The following DPH6 variants were observed in gnomAD, a reference collection of about 807,000 sequenced individuals.
The protein encoded by DPH6 is diphthamine biosynthesis 6, also known as diphthine--ammonia ligase.
DPH6 carries 33 observed loss-of-function variants against 38.2 expected under a neutral mutation model. The ratio of observed to expected loss-of-function variants is 0.86; its 90% confidence interval spans 0.65 to 1.15. The LOEUF (loss-of-function observed/expected upper bound fraction) is 1.15. Among genes scored for constraint, DPH6 ranks in the 50% most tolerant of loss-of-function variants. The probability of loss-of-function intolerance (pLI) is 0.00; values close to 1 mark genes in which losing one functional copy is unlikely to be tolerated. For missense variants in DPH6, 325 were observed against 320.0 expected (o/e 1.02, Z -0.12); for synonymous variants, 108 against 103.0 (o/e 1.05, Z -0.30).
intron 3 of DPH6, among the ~76,000 whole-genome samples, chr15:35,513,041 C>G (rs2054796370): frequency 1.3e-5 from 2 of 151,744 alleles, no homozygotes; most frequent in African/African-American, 4.8e-5. Flanking sequence ...AATTATCTTA[C>G]TGAAGAGATT....
At position 35,365,803 on chromosome 15, in the gene DPH6, T is replaced by G. The variant is rs957780885; in HGVS notation, n.207+7718A>C. 1.4e-5 allele frequency: 14 copies of G among 985,162 alleles called. No homozygotes were observed. The African/African-American group carries it at 1.7e-4, about 12-fold the overall frequency. 61.0% of individuals were successfully genotyped at this position (985,162 alleles called of 1,614,324 possible). On this transcript the variant is annotated intron_variant and non_coding_transcript_variant, in intron 3 of 3. Transcript: ENST00000558973. The stretch of plus-strand genomic sequence containing the variant: ...CTTTAAATGTGGGTGAAACTGATCC[T>G]TGATTTATTAATCTGCTCCAGTGAC...
At chr15:35,408,444 T>C (rs894622552) in intron 6 of DPH6, among the ~76,000 whole-genome samples, 2 of 151,916 alleles carry the variant, frequency 1.3e-5, no homozygotes, top group Non-Finnish European at 2.9e-5. Flanking sequence ...AAGGCTACCA[T>C]CGAGTAAGTA....
Position 35,478,999 on chromosome 15 carries a change from T to C in DPH6, c.313-24179A>G, listed in dbSNP as rs972926561. ...ATCTGAAAAGAACAGAAAATTATCT[T>C]TGAAAGACATAATGGGCAGTAGCTA... On this transcript the variant is annotated intron_variant, in intron 3 of 8. Transcript: ENST00000256538. Among the ~76,000 whole-genome samples, 56 of 152,094 alleles carry C rather than the reference T, an allele frequency of 3.7e-4. 2 individuals carry two copies. The highest frequency in any genetic ancestry group is 8.8e-5 in the Non-Finnish European group (6 of 67,968).
chr15:35,488,956 G>T (rs2054440621), intron 3 of DPH6, among the ~76,000 whole-genome samples: 1 of 151,362 alleles, frequency 6.6e-6, no homozygotes, highest in East Asian at 1.9e-4. Context: ...TTCAGTCAAT[G>T]AATGTAGTAA....
At chr15:35,321,488 G>C (rs552656618) in intron 3 of DPH6, among the ~76,000 whole-genome samples, 1 of 152,240 alleles carries the variant, frequency 6.6e-6, no homozygotes, top group African/African-American at 2.4e-5. Context: ...TTACCTTCTG[G>C]TAAGAGGGGA....
chr15:35,252,083 T>C (rs1406918226), intron 3 of DPH6, among the ~76,000 whole-genome samples: 2 of 152,218 alleles, frequency 1.3e-5, no homozygotes, highest in Non-Finnish European at 2.9e-5. Flanking sequence ...CTCACGCCAT[T>C]GCACTCCAGC....
chr15:35,277,830 GGT>G (rs1320470312), intron 3 of DPH6, among the ~76,000 whole-genome samples: 1 of 152,126 alleles, frequency 6.6e-6, no homozygotes, highest in Non-Finnish European at 1.5e-5. Flanking sequence ...GATGACCTAG[GGT>G]ATCTGGCAGA....
chr15:35,328,356 T>C (rs1381268672), downstream of DPH6, among the ~76,000 whole-genome samples: 1 of 152,110 alleles, frequency 6.6e-6, no homozygotes, highest in African/African-American at 2.4e-5. Context: ...TCTCTTTCCC[T>C]TTTTGTCTCT....
At chr15:35,154,978 C>T in the DPH6 span, among the ~76,000 whole-genome samples, 1 of 152,140 alleles carries the variant, frequency 6.6e-6, no homozygotes, top group Non-Finnish European at 1.5e-5. Context: ...GGAAAATGTT[C>T]TTTTTCCCTC....
At position 35,542,467 on chromosome 15, in the gene DPH6, C is replaced by A; in HGVS notation, c.64G>T (p.Ala22Ser). ...DSCYNMMQCIAAGHQIVALAN... is the reference protein window; with the variant it reads ...DSCYNMMQCISAGHQIVALAN... ...AAAGCAACGATCTGATGCCCAGCAG[C>A]AATGCACTGCATCATATTATAGCAG... The change falls in exon 2 of 9, where the codon GCT becomes TCT. Residue 22 changes from alanine (A) to serine (S), a missense_variant. Coordinates refer to ENST00000256538, the MANE Select transcript of DPH6 (RefSeq NM_080650.4). 1 of 1,582,320 alleles carries A rather than the reference C, an allele frequency of 6.3e-7. No individual in the cohort carries two copies. The highest frequency in any genetic ancestry group is 8.7e-7 in the Non-Finnish European group (1 of 1,155,074).
chr15:35,537,437 TAGA>T (rs1416438807), intron 3 of DPH6, among the ~76,000 whole-genome samples: 1 of 152,128 alleles, frequency 6.6e-6, no homozygotes, highest in Non-Finnish European at 1.5e-5. Flanking sequence ...AATTCATACT[TAGA>T]AGAATAACTG....
chr15:35,167,853 G>A, the DPH6 span, among the ~76,000 whole-genome samples: 1 of 152,010 alleles, frequency 6.6e-6, no homozygotes, highest in Non-Finnish European at 1.5e-5. Context: ...GTGGATAAGG[G>A]AAAGTTATGA....
At chr15:35,293,036 G>T (rs1213338624) in intron 3 of DPH6, among the ~76,000 whole-genome samples, 2 of 151,900 alleles carry the variant, frequency 1.3e-5, no homozygotes, top group African/African-American at 4.8e-5. Context: ...ATGAACATAA[G>T]GTTCAAAGAT....
At chr15:35,162,854 T>C in the DPH6 span, among the ~76,000 whole-genome samples, 1 of 151,860 alleles carries the variant, frequency 6.6e-6, no homozygotes, top group Non-Finnish European at 1.5e-5. Flanking sequence ...TTATAAATTT[T>C]AAGGTCTAAA....
At chr15:35,215,238 T>A (rs1346334691), downstream of DPH6, among the ~76,000 whole-genome samples, 1 of 152,202 alleles carries the variant, frequency 6.6e-6, no homozygotes, top group Admixed American at 6.5e-5. Context: ...CCCTAACAAA[T>A]ATTTATATAA....
chr15:35,304,880 G>A (rs905296825), intron 3 of DPH6, among the ~76,000 whole-genome samples: 1 of 151,412 alleles, frequency 6.6e-6, no homozygotes. Context: ...ACAAACGAAC[G>A]TGATATACTT....
intron 3 of DPH6, among the ~76,000 whole-genome samples, chr15:35,464,041 AT>A (rs770406520): frequency 6.6e-6 from 1 of 152,216 alleles, no homozygotes; most frequent in Non-Finnish European, 1.5e-5. Context: ...CACACATGTA[AT>A]CTCAGCACTT....
chr15:35,311,084 AAAAAAAACCC>A (rs958832007), intron 3 of DPH6, among the ~76,000 whole-genome samples: 2 of 151,444 alleles, frequency 1.3e-5, no homozygotes, highest in Non-Finnish European at 2.9e-5. Flanking sequence ...CAACAACAAA[AAAAAAAACCC>A]AAAAAAACCA....
At chr15:35,210,306 T>C in the DPH6 span, among the ~76,000 whole-genome samples, 1 of 152,198 alleles carries the variant, frequency 6.6e-6, no homozygotes, top group African/African-American at 2.4e-5. Flanking sequence ...ATTCTGGGGA[T>C]TAGATGTATA....
Sources: gnomAD v4.1 joint callset for allele counts (sites outside exome capture counted in the v4.1 genomes callset) on GRCh38, gnomAD v4.1.1 for gene constraint, MANE v1.5 for transcripts, NCBI Gene and HGNC (gene_info 2026-07-23, HGNC 2026-07-21) for gene names.